The following CCDC146 variants were observed in gnomAD, a reference collection of about 807,000 sequenced individuals.
The protein encoded by CCDC146 is coiled-coil domain containing 146, also known as coiled-coil domain-containing protein 146.
CCDC146 carries 92 observed loss-of-function variants against 119.3 expected under a neutral mutation model. That is an observed-to-expected ratio of 0.77 (90% CI 0.65 to 0.92). CCDC146 has a LOEUF of 0.92. CCDC146 is among the 40% of genes least tolerant of loss of function. CCDC146 has a pLI of 0.00. For synonymous variants in CCDC146, 372 were observed against 371.8 expected, an observed-to-expected ratio of 1.00 and a Z score of -0.01; for missense variants, 1,000 against 1,103.0, an observed-to-expected ratio of 0.91 and a Z score of 1.32.
At chr7:77,271,515 T>TAGATAG (rs1562856508) in intron 9 of CCDC146, among the ~76,000 whole-genome samples, 5 of 332 alleles carry the variant, frequency 0.015, no homozygotes, top group South Asian at 0.12. Context: ...TAATAGGAGA[T>TAGATAG]ATATATATAT....
intron 16 of CCDC146, 168 bp downstream of exon 16, chr7:77,287,094 A>G (rs1793862124): frequency 3.8e-6 from 3 of 788,254 alleles, no homozygotes; most frequent in Non-Finnish European, 6.0e-6. Flanking sequence ...CTTGATTTAG[A>G]CACTTGCCAA....
intron 2 of CCDC146, among the ~76,000 whole-genome samples, chr7:77,172,665 TTA>T (rs1376404849): frequency 6.6e-6 from 1 of 152,144 alleles, no homozygotes. Context: ...GAGCTACTCT[TTA>T]TGTTGTTCCG....
rs759409577 is a variant in CCDC146 at position 77,282,743 on chromosome 7, C to T, written c.2106C>T (p.Ala702=). The stretch of plus-strand genomic sequence containing the variant: ...GTGTGACCCAGAAATTACTGCCAGC[C>T]AAGAGGTCCCTGGATGCCGACCTAG... The part of the protein sequence containing the change: ...QICVTQKLLP[A]KRSLDADLAV... Residue 702 remains alanine (A), a synonymous_variant, in exon 15 of 19, where the codon GCC becomes GCT. Coordinates refer to ENST00000285871, the MANE Select transcript of CCDC146 (RefSeq NM_020879.3). The T allele has an allele frequency of 6.2e-7, 1 of 1,614,148 alleles. No homozygotes were observed. The highest frequency in any genetic ancestry group is 1.3e-5 in the African/African-American group (1 of 75,044).
chr7:77,286,508 A>C (rs1000085127), intron 15 of CCDC146, among the ~76,000 whole-genome samples: 1 of 152,214 alleles, frequency 6.6e-6, no homozygotes, highest in Non-Finnish European at 1.5e-5. Context: ...AACATGACCC[A>C]AAATGGGAAG....
At position 77,230,883 on chromosome 7, in the gene CCDC146, C is replaced by T. The variant is rs577318496; in HGVS notation, c.157-6064C>T. Among the ~76,000 whole-genome samples the T allele has an allele frequency of 3.4e-3, 521 of 152,166 alleles. 3 individuals are homozygous for T. Among genetic ancestry groups the T allele is most frequent in the African/African-American group, 0.012 (498 of 41,506 alleles). On this transcript the variant is annotated intron_variant, in intron 2 of 18. Transcript: ENST00000285871. ...TTTCTGTGACAATCTGTTTGTGTGT[C>T]TTCATGCTTTTTCTCTCTGTTATTC... is the stretch of plus-strand genomic sequence containing the variant.
intron 2 of CCDC146, among the ~76,000 whole-genome samples, chr7:77,217,632 G>T (rs1268996609): frequency 2.0e-5 from 3 of 151,686 alleles, no homozygotes; most frequent in African/African-American, 7.3e-5. Context: ...ACTTAAGAAG[G>T]ATATGTTCTG....
At chr7:77,160,985 C>G (rs1791252488) in intron 1 of CCDC146, among the ~76,000 whole-genome samples, 1 of 152,190 alleles carries the variant, frequency 6.6e-6, no homozygotes, top group Admixed American at 6.5e-5. Flanking sequence ...AGGACATGAA[C>G]AGACACTTCA....
intron 15 of CCDC146, among the ~76,000 whole-genome samples, chr7:77,284,092 T>C (rs1404581083): frequency 6.6e-6 from 1 of 152,210 alleles, no homozygotes; most frequent in Non-Finnish European, 1.5e-5. Flanking sequence ...GTGCCACTTC[T>C]GTGCCATGTC....
intron 4 of CCDC146, among the ~76,000 whole-genome samples, chr7:77,249,925 G>C (rs549727608): frequency 6.6e-6 from 1 of 152,130 alleles, no homozygotes; most frequent in South Asian, 2.1e-4. Flanking sequence ...TTTTAACTAA[G>C]CATTTAATAT....
At chr7:77,222,240 C>A (rs1291854240) in intron 2 of CCDC146, among the ~76,000 whole-genome samples, 2 of 152,206 alleles carry the variant, frequency 1.3e-5, no homozygotes, top group Admixed American at 1.3e-4. Flanking sequence ...TTAAAGACTA[C>A]TTCTGTGAGT....
intron 9 of CCDC146, among the ~76,000 whole-genome samples, chr7:77,270,582 G>T (rs147410885): frequency 7.2e-4 from 110 of 152,226 alleles, no homozygotes; most frequent in African/African-American, 2.6e-3. Context: ...CTATTTTCCA[G>T]ATTACCTTGG....
At chr7:77,218,615 C>CT (rs569678543) in intron 2 of CCDC146, among the ~76,000 whole-genome samples, 3,479 of 142,484 alleles carry the variant, frequency 0.024, 90 homozygotes, top group African/African-American at 0.074. Context: ...TACCAATTCT[C>CT]TTTTTTTTTT....
chr7:77,145,692 G>A (rs994471460), intron 1 of CCDC146, among the ~76,000 whole-genome samples: 11 of 152,136 alleles, frequency 7.2e-5, no homozygotes, highest in Non-Finnish European at 1.6e-4. Context: ...AGTCATTCAG[G>A]AGCAGGTTGT....
chr7:77,196,160 C>T lies in CCDC146; in HGVS notation c.156+28336C>T, dbSNP rs552540916. ...TTCAAATGCTGTGTAGCATAAGAAC[C>T]TAGCCGTCAGACATCATTTTTTAGC... is the stretch of plus-strand genomic sequence containing the variant. On this transcript the variant is annotated intron_variant, in intron 2 of 18. Transcript: ENST00000285871. The surrounding 1 kb of genome is among the most constrained non-coding windows in gnomAD (Gnocchi z 4.2). 86 of 713,334 alleles carry T rather than the reference C, an allele frequency of 1.2e-4. 2 individuals carry two copies. Among genetic ancestry groups the T allele is most frequent in the African/African-American group, 5.2e-4 (29 of 56,104 alleles). 44.2% of individuals were successfully genotyped at this position (713,334 alleles called of 1,614,324 possible).
intron 1 of CCDC146, among the ~76,000 whole-genome samples, chr7:77,147,092 G>A (rs1248738674): frequency 5.3e-5 from 8 of 152,162 alleles, no homozygotes; most frequent in East Asian, 1.9e-4. Context: ...CGTATTTCTC[G>A]GGTACTTTGT....
chr7:77,199,925 G>A (rs1584066043), intron 2 of CCDC146: 2 of 1,094,114 alleles, frequency 1.8e-6, no homozygotes, highest in Non-Finnish European at 2.6e-6. Flanking sequence ...TTTTAGAAAC[G>A]CACAGGAAGA....
At chr7:77,270,350 CTGT>C (rs1793487629) in intron 9 of CCDC146, among the ~76,000 whole-genome samples, 1 of 148,990 alleles carries the variant, frequency 6.7e-6, no homozygotes, top group Non-Finnish European at 1.5e-5. Flanking sequence ...TTACACATTT[CTGT>C]TGTTTGGTCA....
intron 2 of CCDC146, among the ~76,000 whole-genome samples, chr7:77,222,222 G>A (rs775065849): frequency 1.3e-5 from 2 of 152,154 alleles, no homozygotes; most frequent in East Asian, 1.9e-4. Flanking sequence ...TTGAGTTCTT[G>A]TTCTTTTTTA....
intron 2 of CCDC146, among the ~76,000 whole-genome samples, chr7:77,209,357 T>A (rs563176499): frequency 2.0e-5 from 3 of 152,346 alleles, no homozygotes; most frequent in South Asian, 4.1e-4. Context: ...GAATCTCCTT[T>A]GACTTCATGT....
Sources: allele counts gnomAD v4.1 joint callset (sites outside exome capture counted in the v4.1 genomes callset), GRCh38; gene constraint gnomAD v4.1.1; non-coding constraint Gnocchi (gnomAD v3.1); transcripts MANE v1.5; gene names NCBI Gene and HGNC (gene_info 2026-07-23, HGNC 2026-07-21).